The following SCN3A variants were observed in gnomAD, a reference collection of about 807,000 sequenced individuals.
The protein encoded by SCN3A is sodium channel protein type 3 subunit alpha.
Under a neutral mutation model 187.6 loss-of-function variants are expected in SCN3A, and 60 were observed. The observed-to-expected ratio is 0.32, with a 90% CI of 0.26 to 0.40. The LOEUF (loss-of-function observed/expected upper bound fraction) is 0.40, where lower values mean the gene tolerates loss of function less well. Among genes scored for constraint, SCN3A ranks in the 10% least tolerant of loss-of-function variants. SCN3A has a pLI of 1.00. For synonymous variants in SCN3A, 788 were observed against 829.2 expected, an observed-to-expected ratio of 0.95 and a Z score of 0.85; for missense variants, 1,601 against 2,428.2, an observed-to-expected ratio of 0.66 and a Z score of 7.16.
chr2:165,163,272 T>A (rs1689521296), intron 7 of SCN3A, among the ~76,000 whole-genome samples: 1 of 152,078 alleles, frequency 6.6e-6, no homozygotes, highest in Non-Finnish European at 1.5e-5. Flanking sequence ...ATTTTCTCCT[T>A]TGTAAAAGGA....
intron 3 of SCN3A, among the ~76,000 whole-genome samples, chr2:165,170,931 T>A (rs1245948463): frequency 6.6e-6 from 1 of 152,024 alleles, no homozygotes; most frequent in Non-Finnish European, 1.5e-5. Flanking sequence ...ATAAGTATTT[T>A]AATCATATCA....
rs762231496 is a variant in SCN3A, at chr2:165,097,368, T to C, written c.4123A>G (p.Ile1375Val). 4.3e-6 allele frequency: 7 copies of C among 1,614,080 alleles called. No individual in the cohort carries two copies. The South Asian group carries it at 6.6e-5, about 15-fold the overall frequency. Reference protein sequence around the residue: ...VNMTTGNMFDISDVNNLSDCQ... With the variant: ...VNMTTGNMFDVSDVNNLSDCQ... ...TCACTCAAATTGTTAACATCACTAA[T>C]GTCAAACATGTTACCCGTTGTCATG... Residue 1375 changes from isoleucine to valine, a missense_variant, in exon 23 of 28, where the codon ATT becomes GTT. Ile to Val is a conservative substitution (Grantham distance 29, BLOSUM62 3). Coordinates refer to ENST00000283254, the MANE Select transcript of SCN3A (RefSeq NM_006922.4).
chr2:165,091,370 A>G, intron 27 of SCN3A, 25 bp from the exon 28 acceptor site: 1 of 1,613,420 alleles, frequency 6.2e-7, no homozygotes, highest in Non-Finnish European at 8.5e-7. Context: ...GAACACAGCT[A>G]AACAGATAAT....
chr2:165,127,909 T>C lies in SCN3A; in HGVS notation c.3115A>G (p.Ile1039Val), dbSNP rs1332916448. The C allele has an allele frequency of 1.9e-6, 3 of 1,614,056 alleles. No individual in the cohort carries two copies. In the African/African-American group the frequency reaches 4.0e-5, roughly 22 times the overall value. ...CTGTCTATCTTATTGCCTTCATGGA[T>C]TTCTATAACTTTTGGCTTTCTAAAA... is the stretch of plus-strand genomic sequence containing the variant. ...AFFRKPKVIE[I>V]HEGNKIDSCM... Residue 1039 changes from isoleucine to valine, a missense_variant, in exon 18 of 28, where the codon ATC (isoleucine) becomes GTC (valine). Physicochemically the swap from Ile to Val is conservative, Grantham distance 29 (BLOSUM62 3). Around this residue, in one of 11 missense-constraint regions of SCN3A, gnomAD observed 267 missense variants for 313.2 expected, o/e 0.85. Transcript: ENST00000283254.
intron 21 of SCN3A, among the ~76,000 whole-genome samples, chr2:165,102,151 T>G (rs1685635790): frequency 6.6e-6 from 1 of 152,194 alleles, no homozygotes; most frequent in Non-Finnish European, 1.5e-5. Context: ...ATTTGAGACA[T>G]GGGATTTTAA....
At chr2:165,191,863 G>A (rs1396012353) in intron 1 of SCN3A, among the ~76,000 whole-genome samples, 1 of 151,942 alleles carries the variant, frequency 6.6e-6, no homozygotes, top group Non-Finnish European at 1.5e-5. Context: ...GCACATAGTA[G>A]TGCTCAATGA....
At chr2:165,132,974 C>T (rs1687436942) in intron 15 of SCN3A, among the ~76,000 whole-genome samples, 2 of 152,172 alleles carry the variant, frequency 1.3e-5, no homozygotes. Context: ...GGGTGAAAGA[C>T]ATGAACAGAC....
chr2:165,175,985 A>G, intron 3 of SCN3A, 146 bp downstream of exon 3: 1 of 711,498 alleles, frequency 1.4e-6, no homozygotes, highest in Non-Finnish European at 2.3e-6. Flanking sequence ...GTTTTATTAT[A>G]TTGTGATAAA....
chr2:165,155,063 C>T (rs1233049627), intron 10 of SCN3A, among the ~76,000 whole-genome samples: 1 of 152,164 alleles, frequency 6.6e-6, no homozygotes, highest in East Asian at 1.9e-4. Context: ...CTTCTAGTCT[C>T]AGTTAATAGC....
At chr2:165,120,478 C>T (rs916543839) in intron 18 of SCN3A, among the ~76,000 whole-genome samples, 5 of 151,280 alleles carry the variant, frequency 3.3e-5, no homozygotes, top group East Asian at 3.9e-4. Context: ...CACTGAAATG[C>T]GCTCACATTT....
Position 165,146,947 on chromosome 2 carries a change from G to A in SCN3A, c.1463C>T (p.Ala488Val). Reference protein sequence around the residue: ...LGELLESSSEASKLSSKSAKE... With the variant: ...LGELLESSSEVSKLSSKSAKE... ...AGCACTTTTGGAACTCAACTTTGAT[G>A]CTTCTGAAGAACTTTCCAACAGCTC... Residue 488 changes from alanine (A) to valine (V), a missense_variant, in exon 12 of 28, where the codon GCA becomes GTA. Transcript: ENST00000283254. 6.2e-7 allele frequency: 1 copy of A among 1,614,032 alleles called. No homozygotes were observed. The highest frequency in any genetic ancestry group is 1.1e-5 in the South Asian group (1 of 91,074).
At chr2:165,141,039 G>A (rs1283936768) in intron 12 of SCN3A, 41 bp from the exon 13 acceptor site, 3 of 1,301,942 alleles carry the variant, frequency 2.3e-6, no homozygotes, top group Non-Finnish European at 3.3e-6. Flanking sequence ...GATGGGGGTA[G>A]GGGAAGAACG....
intron 21 of SCN3A, among the ~76,000 whole-genome samples, chr2:165,108,933 T>C (rs1685985442): frequency 6.6e-6 from 1 of 152,172 alleles, no homozygotes; most frequent in Non-Finnish European, 1.5e-5. Flanking sequence ...AGTATCATAC[T>C]TGCTGTCTCC....
chr2:165,137,845 C>A (rs763115020), intron 15 of SCN3A, 34 bp downstream of exon 15: 1 of 1,519,254 alleles, frequency 6.6e-7, no homozygotes, highest in South Asian at 1.1e-5. Context: ...CCCACATCTA[C>A]CAAAGTAAAT....
Position 165,128,032 on chromosome 2 carries a change from C to G in SCN3A, c.2992G>C (p.Asp998His). 6.2e-7 allele frequency: 1 copy of G among 1,613,720 alleles called. No homozygotes were observed. The change falls in exon 18 of 28, where the codon GAC becomes CAC. Residue 998 changes from aspartate (D) to histidine (H), a missense_variant. Physicochemically the swap from Asp to His is moderately conservative, Grantham distance 81 (BLOSUM62 -1). Transcript: ENST00000283254. ...ATCTGCAGATTATTCATTTCATTGT[C>G]ATCATCAGTAGCAGCAAGGTTGTCT... The part of the protein sequence containing the change: ...SSDNLAATDD[D>H]NEMNNLQIAV...
At chr2:165,115,596 C>T (rs753013574) in intron 18 of SCN3A, 21 bp from the exon 19 acceptor site, 1 of 1,611,340 alleles carries the variant, frequency 6.2e-7, no homozygotes, top group Admixed American at 1.7e-5. Flanking sequence ...AATCCCATTT[C>T]AAAGATGTGA....
At chr2:165,199,617 GA>G (rs1692193637) in intron 1 of SCN3A, among the ~76,000 whole-genome samples, 2 of 151,252 alleles carry the variant, frequency 1.3e-5, no homozygotes, top group Admixed American at 6.6e-5. Context: ...TTGGCACATT[GA>G]AACTTGTGGT....
At chr2:165,161,080 G>A (rs1689339697) in intron 9 of SCN3A, among the ~76,000 whole-genome samples, 1 of 149,636 alleles carries the variant, frequency 6.7e-6, no homozygotes, top group African/African-American at 2.5e-5. Context: ...GCATCACAAT[G>A]CCTGGCTAAG....
chr2:165,148,075 T>G (rs1688459795), intron 11 of SCN3A, among the ~76,000 whole-genome samples: 1 of 152,102 alleles, frequency 6.6e-6, no homozygotes, highest in African/African-American at 2.4e-5. Flanking sequence ...CCATTAACTG[T>G]AAGCTAGATA....
Sources: gnomAD v4.1 joint callset for allele counts (sites outside exome capture counted in the v4.1 genomes callset) on GRCh38, gnomAD v4.1.1 for gene constraint, gnomAD v4.1.1 regional missense constraint, MANE v1.5 for transcripts, NCBI Gene and HGNC (gene_info 2026-07-23, HGNC 2026-07-21) for gene names.